TFDP3: variants seen among roughly 807,000 people sequenced by gnomAD.
TFDP3 encodes transcription factor Dp family member 3, also known as E2F-like protein.
For synonymous variants in TFDP3, 167 were observed against 131.3 expected (o/e 1.27, Z -1.86); for missense variants, 353 against 321.6 (o/e 1.10, Z -0.75).
rs755827428 is a variant in TFDP3, at chrX:133,218,137, G to A, written c.123C>T (p.Leu41=). 1 of 1,207,996 alleles carries A rather than the reference G, an allele frequency of 8.3e-7. No homozygotes were observed. Among genetic ancestry groups the A allele is most frequent in the African/African-American group, 1.8e-5 (1 of 57,038 alleles). The change falls in exon 1 of 1, where the codon CTC becomes CTT. Residue 41 remains leucine (L), a synonymous_variant. Transcript: ENST00000310125. ...TGGACTGTCCAAAGGTTTTCGGCAA[G>A]AGCTGCTTCCCGAGCGGGTTCACGG... ...TSTVNPLGKQ[L]LPKTFGQSSV...
chrX:133,216,733 G>A lies in TFDP3; in HGVS notation c.*309C>T, dbSNP rs1446486070. 5.1e-6 allele frequency: 1 copy of A among 196,338 alleles called. No individual in the cohort carries two copies. The highest frequency in any genetic ancestry group is 7.1e-5 in the Admixed American group (1 of 14,169). The allele number at this position is 196,338 out of a possible 1,213,427, so 16.2% of individuals were successfully genotyped here. ...AAGTACAATTTCTTCAGTAAACTCA[G>A]GAAAAACTGTTAAGGGGCAACAATG... On this transcript the variant is annotated 3_prime_UTR_variant, in exon 1 of 1. Coordinates refer to ENST00000310125, the MANE Select transcript of TFDP3 (RefSeq NM_016521.3).
chrX:133,217,527 G>A lies in TFDP3; in HGVS notation c.733C>T (p.Arg245Trp), dbSNP rs1215508859. The A allele has an allele frequency of 1.7e-6, 2 of 1,212,079 alleles. No individual in the cohort carries two copies. The highest frequency in any genetic ancestry group is 1.8e-5 in the South Asian group (1 of 57,012). ...TGGATGACTGAGTTGGGCAGCGGCC[G>A]CTGGCTGACCTGCTCCTCCACATAC... is the stretch of plus-strand genomic sequence containing the variant. ...NQYVEEQVSQ[R>W]PLPNSVIHVP... The change falls in exon 1 of 1, where the codon CGG becomes TGG. Residue 245 changes from arginine to tryptophan, a missense_variant. Transcript: ENST00000310125.
rs2068020428 is a variant in TFDP3, at chrX:133,217,931, C to A, written c.329G>T (p.Gly110Val). 2.5e-6 allele frequency: 3 copies of A among 1,211,859 alleles called. No individual in the cohort carries two copies. The highest frequency in any genetic ancestry group is 3.3e-6 in the Non-Finnish European group (3 of 895,551). ...GACCTTCATGGAAAGACGGCACAGG[C>A]CCATGCCATTCTTCTCTCCTTTCCT... ...HNRKGEKNGM[G>V]LCRLSMKVWE... Residue 110 changes from glycine to valine, a missense_variant, in exon 1 of 1, where the codon GGC becomes GTC. Coordinates refer to ENST00000310125, the MANE Select transcript of TFDP3 (RefSeq NM_016521.3).
In TFDP3 at chrX:133,217,209, T is replaced by G. The variant is rs1259819041; in HGVS notation, c.1051A>C (p.Thr351Pro). Reference sequence around the variant, plus strand: ...GTCAGGTCACTGGCAGAAAGCCACGTGCCATTAGACCTGGAACCTGCCGTC... The same window carrying G: ...GTCAGGTCACTGGCAGAAAGCCACGGGCCATTAGACCTGGAACCTGCCGTC... ...FTTAGSRSNG[T>P]WLSASDLTNI... The change falls in exon 1 of 1, where the codon ACG (threonine) becomes CCG (proline). Residue 351 changes from threonine (T) to proline (P), a missense_variant. Thr to Pro is a conservative substitution (Grantham distance 38, BLOSUM62 -1). Coordinates refer to ENST00000310125, the MANE Select transcript of TFDP3 (RefSeq NM_016521.3). The G allele has an allele frequency of 3.3e-6, 4 of 1,209,901 alleles. No individual in the cohort carries two copies. In the East Asian group the frequency reaches 8.9e-5, roughly 27 times the overall value.
Position 133,218,228 on chromosome X carries a change from T to G in TFDP3, c.32A>C (p.Asn11Thr), listed in dbSNP as rs1211301075. 8.7e-7 allele frequency: 1 copy of G among 1,154,709 alleles called. No individual in the cohort carries two copies. The change falls in exon 1 of 1, where the codon AAC (asparagine) becomes ACC (threonine). Residue 11 changes from asparagine (N) to threonine (T), a missense_variant. Coordinates refer to ENST00000310125, the MANE Select transcript of TFDP3 (RefSeq NM_016521.3). ...GTCCATTAAGACCTTGAGTTCTTCGTTAGCTTCAGTGAGACTGACATATTT... is the reference window on the plus strand; with the variant it reads ...GTCCATTAAGACCTTGAGTTCTTCGGTAGCTTCAGTGAGACTGACATATTT... MAKYVSLTEA[N>T]EELKVLMDEN...
At position 133,217,552 on chromosome X, in the gene TFDP3, C is replaced by T; in HGVS notation, c.708G>A (p.Gln236=). The change falls in exon 1 of 1, where the codon CAG becomes CAA. Residue 236 remains glutamine (Q), a synonymous_variant. Transcript: ENST00000310125. ...IAFKNLVLRN[Q]YVEEQVSQRP... The stretch of plus-strand genomic sequence containing the variant: ...GCTGGCTGACCTGCTCCTCCACATA[C>T]TGGTTTCTCAGCACCAGGTTCTTGA... 1 of 1,212,089 alleles carries T rather than the reference C, an allele frequency of 8.3e-7. No homozygotes were observed. Among genetic ancestry groups the T allele is most frequent in the Non-Finnish European group, 1.1e-6 (1 of 895,605 alleles).
In TFDP3 at chrX:133,217,255, T is replaced by A; in HGVS notation, c.1005A>T (p.Gly335=). 2 of 1,211,639 alleles carry A rather than the reference T, an allele frequency of 1.7e-6. No individual in the cohort carries two copies. The highest frequency in any genetic ancestry group is 2.2e-6 in the Non-Finnish European group (2 of 895,552). Residue 335 remains glycine (G), a synonymous_variant, in exon 1 of 1, where the codon GGA becomes GGT. Transcript: ENST00000310125. Reference sequence around the variant, plus strand: ...CCGTCGTGAACACACCTCCAAAAGTTCCCTGAGCCATTTCTGTCACGTACG... The same window carrying A: ...CCGTCGTGAACACACCTCCAAAAGTACCCTGAGCCATTTCTGTCACGTACG... The part of the protein sequence containing the change: ...LEPYVTEMAQ[G]TFGGVFTTAG...
chrX:133,217,338 T>C lies in TFDP3; in HGVS notation c.922A>G (p.Ser308Gly), dbSNP rs770264201. ...MGMTFGLESG[S>G]CSAEDLKMAR... is the part of the protein sequence containing the mutation. ...ATTTTAAGGTCTTCGGCAGAGCAGC[T>C]CCCGGACTCTAGCCCAAAAGTCATG... The change falls in exon 1 of 1, where the codon AGC (serine) becomes GGC (glycine). Residue 308 changes from serine (S) to glycine (G), a missense_variant. Transcript: ENST00000310125. 6 of 1,210,505 alleles carry C rather than the reference T, an allele frequency of 5.0e-6. No individual in the cohort carries two copies. The highest frequency in any genetic ancestry group is 6.7e-6 in the Non-Finnish European group (6 of 895,338).
In TFDP3 at chrX:133,217,142, G is replaced by C. The variant is rs754825609; in HGVS notation, c.1118C>G (p.Ser373Cys). 8 of 1,211,362 alleles carry C rather than the reference G, an allele frequency of 6.6e-6. No homozygotes were observed. The South Asian group carries it at 1.4e-4, about 21-fold the overall frequency. Residue 373 changes from serine to cysteine, a missense_variant, in exon 1 of 1, where the codon TCT (serine) becomes TGT (cysteine). By Grantham distance (112) the Ser-to-Cys change is moderately radical. Coordinates refer to ENST00000310125, the MANE Select transcript of TFDP3 (RefSeq NM_016521.3). ...CTCCACCCTGGAGCCACTGTACTGA[G>C]ATCCACCGGAGCTTGTGGCCAGCAT... ...IGMLATSSGG[S>C]QYSGSRVETP...
In TFDP3 at chrX:133,217,244, C is replaced by T. The variant is rs761912849; in HGVS notation, c.1016G>A (p.Gly339Asp). 5.0e-6 allele frequency: 6 copies of T among 1,211,985 alleles called. No homozygotes were observed. Among genetic ancestry groups the T allele is most frequent in the Non-Finnish European group, 6.7e-6 (6 of 895,654 alleles). The change falls in exon 1 of 1, where the codon GGT becomes GAT. Residue 339 changes from glycine (G) to aspartate (D), a missense_variant. Coordinates refer to ENST00000310125, the MANE Select transcript of TFDP3 (RefSeq NM_016521.3). ...VTEMAQGTFG[G>D]VFTTAGSRSN... ...CCTGGAACCTGCCGTCGTGAACACA[C>T]CTCCAAAAGTTCCCTGAGCCATTTC...
Position 133,218,014 on chromosome X carries a change from G to A in TFDP3, c.246C>T (p.His82=), listed in dbSNP as rs1162605652. Residue 82 remains histidine, a synonymous_variant, in exon 1 of 1, where the codon CAC becomes CAT. Transcript: ENST00000310125. ...VVGSPNPPST[H]FASQNQHSYS... is the part of the protein sequence containing the mutation. ...AGGAATGCTGGTTCTGAGAGGCAAA[G>A]TGAGTGCTGGGTGGGTTTGGGCTTC... 2 of 1,210,249 alleles carry A rather than the reference G, an allele frequency of 1.7e-6. No homozygotes were observed. The highest frequency in any genetic ancestry group is 1.8e-5 in the African/African-American group (1 of 57,137).
chrX:133,217,570 G>C lies in TFDP3; in HGVS notation c.690C>G (p.Asn230Lys). Residue 230 changes from asparagine (N) to lysine (K), a missense_variant, in exon 1 of 1, where the codon AAC becomes AAG. Physicochemically the swap from Asn to Lys is moderately conservative, Grantham distance 94. Transcript: ENST00000310125. Reference protein sequence around the residue: ...QLILQQIAFKNLVLRNQYVEE... With the variant: ...QLILQQIAFKKLVLRNQYVEE... ...CCACATACTGGTTTCTCAGCACCAG[G>C]TTCTTGAAAGCAATTTGCTGTAGAA... The C allele has an allele frequency of 8.3e-7, 1 of 1,211,704 alleles. No individual in the cohort carries two copies. Among genetic ancestry groups the C allele is most frequent in the Non-Finnish European group, 1.1e-6 (1 of 895,469 alleles).
Position 133,218,152 on chromosome X carries a change from C to T in TFDP3, c.108G>A (p.Pro36=), listed in dbSNP as rs577121846. Residue 36 remains proline, a synonymous_variant, in exon 1 of 1, where the codon CCG becomes CCA. Coordinates refer to ENST00000310125, the MANE Select transcript of TFDP3 (RefSeq NM_016521.3). ...PVAVHTSTVN[P]LGKQLLPKTF... is the part of the protein sequence containing the mutation. Reference sequence around the variant, plus strand: ...TTTTCGGCAAGAGCTGCTTCCCGAGCGGGTTCACGGTGGAGGTGTGAACGG... The same window carrying T: ...TTTTCGGCAAGAGCTGCTTCCCGAGTGGGTTCACGGTGGAGGTGTGAACGG... 7 of 1,204,711 alleles carry T rather than the reference C, an allele frequency of 5.8e-6. No homozygotes were observed. The highest frequency in any genetic ancestry group is 5.3e-5 in the African/African-American group (3 of 57,026).
In TFDP3 at chrX:133,217,637, A is replaced by G. The variant is rs748525964; in HGVS notation, c.623T>C (p.Leu208Pro). ...QNLRVERQKR[L>P]ERIKQKQSEL... ...AGACTGTTTCTGCTTTATTCTTTCA[A>G]GTCTCTTCTGTCTTTCCACCCGTAA... Residue 208 changes from leucine to proline, a missense_variant, in exon 1 of 1, where the codon CTT (leucine) becomes CCT (proline). Physicochemically the swap from Leu to Pro is moderately conservative, Grantham distance 98 (BLOSUM62 -3). Transcript: ENST00000310125. 5 of 1,210,331 alleles carry G rather than the reference A, an allele frequency of 4.1e-6. No individual in the cohort carries two copies. In the African/African-American group the frequency reaches 7.0e-5, roughly 17 times the overall value.
rs1239185214 is a variant in TFDP3 at position 133,216,836 on chromosome X, T to C, written c.*206A>G. ...AAATAAAGATTCTGTGTCAGCACAC[T>C]GGTATCAAAACACACATCAACAGCA... On this transcript the variant is annotated 3_prime_UTR_variant, in exon 1 of 1. Transcript: ENST00000310125. 7.2e-6 allele frequency: 3 copies of C among 418,256 alleles called. No homozygotes were observed. Among genetic ancestry groups the C allele is most frequent in the Non-Finnish European group, 7.4e-6 (2 of 268,864 alleles). The allele number at this position is 418,256 out of a possible 1,213,427, so 34.5% of individuals were successfully genotyped here.
At position 133,217,965 on chromosome X, in the gene TFDP3, GC is replaced by G; in HGVS notation, c.294del (p.Gln99SerfsTer18). On this transcript the variant is annotated frameshift_variant, in exon 1 of 1. Coordinates refer to ENST00000310125, the MANE Select transcript of TFDP3 (RefSeq NM_016521.3). LOFTEE classifies it low-confidence loss of function (END_TRUNC). Reference protein sequence around the residue: ...QHSYSSPPWAGQHNRKGEKNG... With the variant: ...QHSYSSPPWAXQHNRKGEKNG... ...TTCTTCTCTCCTTTCCTGTTGTGCT[GC>G]CCGGCCCAAGGAGGTGAGGAGTAGG... 1 of 1,211,735 alleles carries G rather than the reference GC, an allele frequency of 8.3e-7. No homozygotes were observed. The highest frequency in any genetic ancestry group is 1.8e-5 in the South Asian group (1 of 56,930).
Position 133,218,255 on chromosome X carries a change from GC to G in TFDP3, c.4del (p.Ala2GlnfsTer16). On this transcript the variant is annotated frameshift_variant, in exon 1 of 1. Coordinates refer to ENST00000310125, the MANE Select transcript of TFDP3 (RefSeq NM_016521.3). LOFTEE classifies it low-confidence loss of function (END_TRUNC). M[A>X]KYVSLTEANE... ...AGCTTCAGTGAGACTGACATATTTTGCCATGTTAACAGATTTGGGAAATAAA... is the reference window on the plus strand; with the variant it reads ...AGCTTCAGTGAGACTGACATATTTTGCATGTTAACAGATTTGGGAAATAAA... 2 of 1,127,108 alleles carry G rather than the reference GC, an allele frequency of 1.8e-6. No homozygotes were observed. Among genetic ancestry groups the G allele is most frequent in the Non-Finnish European group, 2.3e-6 (2 of 854,721 alleles). The allele number at this position is 1,127,108 out of a possible 1,213,427, so 92.9% of individuals were successfully genotyped here.
rs1393232272 is a variant in TFDP3 at position 133,217,596 on chromosome X, T to A, written c.664A>T (p.Ile222Phe). The A allele has an allele frequency of 8.3e-7, 1 of 1,211,820 alleles. No homozygotes were observed. The highest frequency in any genetic ancestry group is 2.2e-5 in the Admixed American group (1 of 46,053). The change falls in exon 1 of 1, where the codon ATT becomes TTT. Residue 222 changes from isoleucine (I) to phenylalanine (F), a missense_variant. Transcript: ENST00000310125. ...TTCTTGAAAGCAATTTGCTGTAGAA[T>A]AAGTTGTTGAAGTTCAGACTGTTTC... ...KQKQSELQQL[I>F]LQQIAFKNLV... is the part of the protein sequence containing the mutation.
At position 133,218,354 on chromosome X, in the gene TFDP3, C is replaced by G. The variant is rs1277554858; in HGVS notation, c.-95G>C. ...CCGAGTGTAGGGCTGCCGTGAGGTG[C>G]GTGGCGTAACGTGCGTGGCGTAACG... On this transcript the variant is annotated 5_prime_UTR_variant, in exon 1 of 1. Coordinates refer to ENST00000310125, the MANE Select transcript of TFDP3 (RefSeq NM_016521.3). 1.6e-6 allele frequency: 1 copy of G among 609,511 alleles called. No individual in the cohort carries two copies. Among genetic ancestry groups the G allele is most frequent in the African/African-American group, 2.9e-5 (1 of 34,938 alleles). 50.2% of individuals were successfully genotyped at this position (609,511 alleles called of 1,213,427 possible).
Sources: allele counts gnomAD v4.1 joint callset, GRCh38; gene constraint gnomAD v4.1.1; transcripts MANE v1.5; gene names NCBI Gene and HGNC (gene_info 2026-07-23, HGNC 2026-07-21).